PADI4: variants seen among roughly 807,000 people sequenced by gnomAD.
PADI4 encodes the protein protein-arginine deiminase type-4.
PADI4 carries 62 observed loss-of-function variants against 75.0 expected under a neutral mutation model. The observed-to-expected ratio is 0.83, with a 90% confidence interval of 0.67 to 1.02. The LOEUF (loss-of-function observed/expected upper bound fraction) is 1.02, where lower values mean the gene tolerates loss of function less well. PADI4 is among the 50% of genes least tolerant of loss of function. The probability of loss-of-function intolerance (pLI) is 0.00; values close to 1 mark genes in which losing one functional copy is unlikely to be tolerated. For synonymous variants in PADI4, 361 were observed against 348.1 expected (o/e 1.04, Z -0.41); for missense variants, 845 against 850.5 (o/e 0.99, Z 0.08).
chr1:17,346,729 G>A lies in PADI4; in HGVS notation c.1047+590G>A, dbSNP rs1484092556. Among the ~76,000 whole-genome samples the A allele has an allele frequency of 6.6e-6, 1 of 152,004 alleles. No homozygotes were observed. The highest frequency in any genetic ancestry group is 1.5e-5 in the Non-Finnish European group (1 of 68,006). Reference sequence around the variant, plus strand: ...CCCTGACCCTCCCCACCACTGCCTTGCTTTGCCTCGGGACCCTGTCCTTCC... The same window carrying A: ...CCCTGACCCTCCCCACCACTGCCTTACTTTGCCTCGGGACCCTGTCCTTCC... On this transcript the variant is annotated intron_variant, in intron 9 of 15. Coordinates refer to ENST00000375448, the MANE Select transcript of PADI4 (RefSeq NM_012387.3). This position sits in a 1 kb window ranked among gnomAD's most constrained non-coding sequence, Gnocchi z 4.3.
At chr1:17,311,076 A>G (rs1038827625) in intron 1 of PADI4, among the ~76,000 whole-genome samples, 1 of 151,510 alleles carries the variant, frequency 6.6e-6, no homozygotes, top group Non-Finnish European at 1.5e-5. Context: ...CAGCCTGGGC[A>G]ACACAGTGAG....
chr1:17,356,335 A>G lies in PADI4; in HGVS notation c.1456-22A>G, dbSNP rs750540548. 6.5e-7 allele frequency: 1 copy of G among 1,546,592 alleles called. No individual in the cohort carries two copies. The highest frequency in any genetic ancestry group is 2.3e-5 in the East Asian group (1 of 44,014). On this transcript the variant is annotated intron_variant, in intron 12 of 15. Transcript: ENST00000375448. This position sits in a 1 kb window ranked among gnomAD's most constrained non-coding sequence, Gnocchi z 4.1. ...GCTCCAGGGGCAAAGCTGACTTCTA[A>G]CCCCAGTGTTTCTGCCTCCAGGGCT...
intron 11 of PADI4, among the ~76,000 whole-genome samples, 158 bp downstream of exon 11, chr1:17,354,845 G>A (rs998819456): frequency 2.6e-5 from 4 of 152,116 alleles, no homozygotes; most frequent in Admixed American, 2.0e-4. Context: ...TGAGGAATGC[G>A]GGCTTTGGAG....
intron 1 of PADI4, among the ~76,000 whole-genome samples, chr1:17,326,887 A>G (rs562261008): frequency 3.9e-4 from 58 of 147,196 alleles, no homozygotes; most frequent in Non-Finnish European, 8.0e-4. Context: ...TATTTCTATT[A>G]ATGTTTGCCT....
intron 10 of PADI4, among the ~76,000 whole-genome samples, chr1:17,350,789 G>A (rs1301045811): frequency 7.7e-6 from 1 of 130,112 alleles, no homozygotes; most frequent in Non-Finnish European, 1.7e-5. Context: ...AGGGAGCAAC[G>A]CCAAGGTCCC....
chr1:17,341,448 A>G (rs956233410), intron 6 of PADI4, among the ~76,000 whole-genome samples: 2 of 152,132 alleles, frequency 1.3e-5, no homozygotes, highest in Admixed American at 1.3e-4. Flanking sequence ...TGACAGGTCA[A>G]CTTATTGCCT....
At chr1:17,322,856 C>T (rs2074054400) in intron 1 of PADI4, among the ~76,000 whole-genome samples, 1 of 151,956 alleles carries the variant, frequency 6.6e-6, no homozygotes, top group African/African-American at 2.4e-5. Flanking sequence ...TCTCCCCCTC[C>T]CACTTCTTCT....
chr1:17,358,119 G>C (rs868674171), intron 13 of PADI4, among the ~76,000 whole-genome samples: 1 of 151,240 alleles, frequency 6.6e-6, no homozygotes, highest in Non-Finnish European at 1.5e-5. Flanking sequence ...GCAGTGGTGC[G>C]CACCTGTAAT....
Position 17,333,938 on chromosome 1 carries a change from C to T in PADI4, c.274-5C>T, listed in dbSNP as rs1235890072. The stretch of plus-strand genomic sequence containing the variant: ...AGAAGTCATTAGTGATCTGCTCTCC[C>T]ATAGGTTCAGATTTCATACTACGGA... On this transcript the variant is annotated splice_polypyrimidine_tract_variant and splice_region_variant and intron_variant, in intron 2 of 15. Transcript: ENST00000375448. The T allele has an allele frequency of 1.2e-6, 2 of 1,606,804 alleles. No individual in the cohort carries two copies. Among genetic ancestry groups the T allele is most frequent in the South Asian group, 1.1e-5 (1 of 90,956 alleles).
At position 17,342,287 on chromosome 1, in the gene PADI4, C is replaced by T. The variant is rs563989728; in HGVS notation, c.832-12C>T. 27 of 1,573,946 alleles carry T rather than the reference C, an allele frequency of 1.7e-5. 1 individual carries two copies. The African/African-American group carries it at 1.8e-4, about 10-fold the overall frequency. On this transcript the variant is annotated splice_polypyrimidine_tract_variant and intron_variant, in intron 7 of 15. Transcript: ENST00000375448. ...TGACAGCCCCTCCTTCCCCTTACCCCCTCCCCTGCAGGAGCTCCCCGAGGC... is the reference window on the plus strand; with the variant it reads ...TGACAGCCCCTCCTTCCCCTTACCCTCTCCCCTGCAGGAGCTCCCCGAGGC...
At chr1:17,310,347 C>T (rs892005487) in intron 1 of PADI4, among the ~76,000 whole-genome samples, 1 of 152,174 alleles carries the variant, frequency 6.6e-6, no homozygotes, top group Non-Finnish European at 1.5e-5. Flanking sequence ...CCCCATGGGT[C>T]TCCGTTCCAG....
At chr1:17,353,248 C>T (rs900600210) in intron 10 of PADI4, among the ~76,000 whole-genome samples, 2 of 152,046 alleles carry the variant, frequency 1.3e-5, no homozygotes, top group Admixed American at 6.6e-5. Context: ...AGATTGAGCC[C>T]AGGAGTTTGA....
chr1:17,339,042 A>G (rs1174621974), intron 5 of PADI4, among the ~76,000 whole-genome samples: 1 of 152,082 alleles, frequency 6.6e-6, no homozygotes, highest in East Asian at 1.9e-4. Flanking sequence ...CTTTATCTTC[A>G]CAACCATTCT....
chr1:17,347,533 G>T lies in PADI4; in HGVS notation c.1048-408G>T, dbSNP rs2074538304. Among the ~76,000 whole-genome samples, 3 of 152,068 alleles carry T rather than the reference G, an allele frequency of 2.0e-5. No individual in the cohort carries two copies. The South Asian group carries it at 6.2e-4, about 32-fold the overall frequency. ...CTCTGGCGCCAACAGGTCTTCTCTG[G>T]CCCATCCTAGCTGCATCAGGAGCCC... On this transcript the variant is annotated intron_variant, in intron 9 of 15. Coordinates refer to ENST00000375448, the MANE Select transcript of PADI4 (RefSeq NM_012387.3).
rs777208971 is a variant in PADI4 at position 17,363,707 on chromosome 1, C to T, written c.1944C>T (p.Asn648=). The T allele has an allele frequency of 2.2e-5, 36 of 1,614,042 alleles. No homozygotes were observed. The highest frequency in any genetic ancestry group is 2.7e-5 in the African/African-American group (2 of 74,958). The change falls in exon 16 of 16, where the codon AAC becomes AAT. Residue 648 remains asparagine, a synonymous_variant. Transcript: ENST00000375448. ...ATGGGGAGGTGCACTGCGGCACCAA[C>T]GTGCGCAGAAAGCCCTTCTCCTTCA... ...IRHGEVHCGT[N]VRRKPFSFKW...
At chr1:17,329,679 C>T (rs900138714) in intron 1 of PADI4, among the ~76,000 whole-genome samples, 16 of 152,068 alleles carry the variant, frequency 1.1e-4, no homozygotes, top group African/African-American at 3.6e-4. Context: ...GCAGTTCAAA[C>T]CTGTGCTGTT....
intron 10 of PADI4, among the ~76,000 whole-genome samples, chr1:17,352,523 G>C (rs2074682212): frequency 1.3e-5 from 2 of 152,086 alleles, no homozygotes; most frequent in Admixed American, 6.5e-5. Context: ...TGCTGGGAGT[G>C]CAGGCAGGGT....
chr1:17,331,888 A>G (rs2074220062), intron 2 of PADI4, among the ~76,000 whole-genome samples: 1 of 152,196 alleles, frequency 6.6e-6, no homozygotes, highest in East Asian at 1.9e-4. Context: ...ACTTCACTCC[A>G]GCCTGGGTGA....
chr1:17,313,055 TG>T, intron 1 of PADI4, among the ~76,000 whole-genome samples: 1 of 151,802 alleles, frequency 6.6e-6, no homozygotes, highest in Middle Eastern at 3.2e-3. Flanking sequence ...CTGAGCATGG[TG>T]GCGTGCGCCT....
Sources: allele counts gnomAD v4.1 joint callset (sites outside exome capture counted in the v4.1 genomes callset), GRCh38; gene constraint gnomAD v4.1.1; non-coding constraint Gnocchi (gnomAD v3.1); transcripts MANE v1.5; gene names NCBI Gene and HGNC (gene_info 2026-07-23, HGNC 2026-07-21).